PCDHGB4: variants seen among roughly 807,000 people sequenced by gnomAD.
PCDHGB4 encodes the protein protocadherin gamma subfamily B, 4, also known as protocadherin gamma-B4.
In PCDHGB4, 38 loss-of-function variants were observed where a neutral mutation model predicts 60.5. That is an observed-to-expected ratio of 0.63 (90% CI 0.48 to 0.82). The LOEUF (loss-of-function observed/expected upper bound fraction) is 0.82. Ranked by LOEUF, PCDHGB4 falls within the 40% of genes least tolerant of loss-of-function variation. The pLI is 0.00. For missense variants in PCDHGB4, 1,109 were observed against 1,209.6 expected (o/e 0.92, Z 1.23); for synonymous variants, 456 against 509.7 (o/e 0.89, Z 1.42).
chr5:141,399,370 A>C (rs1466560972), intron 1 of PCDHGB4: 2 of 1,614,004 alleles, frequency 1.2e-6, no homozygotes, highest in Non-Finnish European at 1.7e-6. Context: ...CCCGGAGTAC[A>C]ATGTCACCAT....
intron 1 of PCDHGB4, chr5:141,409,152 T>C: frequency 6.2e-7 from 1 of 1,613,988 alleles, no homozygotes; most frequent in Non-Finnish European, 8.5e-7. Context: ...AGGTACACCA[T>C]GGAAGTGGAA....
chr5:141,401,356 G>A (rs1274587222), intron 1 of PCDHGB4, among the ~76,000 whole-genome samples: 1 of 152,070 alleles, frequency 6.6e-6, no homozygotes, highest in Non-Finnish European at 1.5e-5. Flanking sequence ...AAAAAGGAAG[G>A]AGAAGGAGAG....
At position 141,489,062 on chromosome 5, in the gene PCDHGB4, C is replaced by G. The variant is rs1466124551; in HGVS notation, c.2398-5745C>G. Reference sequence around the variant, plus strand: ...GCTCCACTCAAATTCAGCTCCCCTCCCCCCTGCCCACCCCCGCCACTCGGT... The same window carrying G: ...GCTCCACTCAAATTCAGCTCCCCTCGCCCCTGCCCACCCCCGCCACTCGGT... On this transcript the variant is annotated intron_variant, in intron 1 of 3. Transcript: ENST00000519479. This position sits in a 1 kb window ranked among gnomAD's most constrained non-coding sequence, Gnocchi z 4.5. 5.3e-6 allele frequency: 2 copies of G among 378,914 alleles called. No homozygotes were observed. Among genetic ancestry groups the G allele is most frequent in the Non-Finnish European group, 9.5e-6 (2 of 209,830 alleles). 23.5% of individuals were successfully genotyped at this position (378,914 alleles called of 1,614,324 possible).
intron 1 of PCDHGB4, chr5:141,423,206 C>A: frequency 6.2e-7 from 1 of 1,613,668 alleles, no homozygotes. Context: ...GCCACCGTCA[C>A]GCTCACCGTG....
In PCDHGB4 at chr5:141,486,341, C is replaced by T; in HGVS notation, c.2398-8466C>T. On this transcript the variant is annotated intron_variant, in intron 1 of 3. Coordinates refer to ENST00000519479, the MANE Select transcript of PCDHGB4 (RefSeq NM_003736.4). The surrounding 1 kb of genome is among the most constrained non-coding windows in gnomAD (Gnocchi z 5.0). ...AAACGGAGATGTGAGCCTCCGCATTCCTGACCACTTGCCATTTGCCCTCAA... is the reference window on the plus strand; with the variant it reads ...AAACGGAGATGTGAGCCTCCGCATTTCTGACCACTTGCCATTTGCCCTCAA... The T allele has an allele frequency of 6.2e-7, 1 of 1,614,128 alleles. No individual in the cohort carries two copies. Among genetic ancestry groups the T allele is most frequent in the Non-Finnish European group, 8.5e-7 (1 of 1,179,992 alleles).
At chr5:141,473,131 A>G (rs1262205483) in intron 1 of PCDHGB4, among the ~76,000 whole-genome samples, 2 of 152,214 alleles carry the variant, frequency 1.3e-5, no homozygotes, top group Admixed American at 6.5e-5. Context: ...TTGGCAAACT[A>G]TATTATCTCT....
chr5:141,399,309 C>CA (rs1033550021), intron 1 of PCDHGB4: 6 of 1,613,784 alleles, frequency 3.7e-6, no homozygotes, highest in African/African-American at 1.3e-5. Context: ...TCTCTTCATC[C>CA]AAAAATTCGT....
chr5:141,439,354 C>G (rs746525653), intron 1 of PCDHGB4, among the ~76,000 whole-genome samples: 7 of 152,186 alleles, frequency 4.6e-5, no homozygotes, highest in Admixed American at 4.6e-4. Context: ...TACAAATACT[C>G]AAACATCAAG....
At chr5:141,460,580 G>A (rs1037056676) in intron 1 of PCDHGB4, among the ~76,000 whole-genome samples, 7 of 152,160 alleles carry the variant, frequency 4.6e-5, no homozygotes, top group African/African-American at 1.4e-4. Flanking sequence ...ATGTAGGTGT[G>A]GGTTTTTTCT....
At chr5:141,420,432 T>C in intron 1 of PCDHGB4, 2 of 1,149,120 alleles carry the variant, frequency 1.7e-6, no homozygotes, top group Non-Finnish European at 2.3e-6. Flanking sequence ...AAAGTTTAAA[T>C]TAAATGCCTC....
Position 141,389,602 on chromosome 5 carries a change from T to G in PCDHGB4, c.1718T>G (p.Phe573Cys). The G allele has an allele frequency of 1.2e-6, 2 of 1,613,170 alleles. No homozygotes were observed. Among genetic ancestry groups the G allele is most frequent in the African/African-American group, 2.7e-5 (2 of 75,050 alleles). The change falls in exon 1 of 4, where the codon TTC becomes TGC. Residue 573 changes from phenylalanine to cysteine, a missense_variant. Physicochemically the swap from Phe to Cys is radical, Grantham distance 205. This residue lies in a region of PCDHGB4 where 1,068 missense variants were observed against 1,089.9 expected (regional missense o/e 0.98). Coordinates refer to ENST00000519479, the MANE Select transcript of PCDHGB4 (RefSeq NM_003736.4). ...PALGPDGSALFDMVPHAAEPG... is the reference protein window; with the variant it reads ...PALGPDGSALCDMVPHAAEPG... ...CTGGGTCCCGACGGCTCTGCGCTCT[T>G]CGATATGGTGCCGCACGCTGCAGAG... is the stretch of plus-strand genomic sequence containing the variant.
chr5:141,435,737 T>C (rs944951200), intron 1 of PCDHGB4, among the ~76,000 whole-genome samples: 1 of 152,202 alleles, frequency 6.6e-6, no homozygotes, highest in Non-Finnish European at 1.5e-5. Context: ...TATTACTCTT[T>C]GAAAAGCATT....
Position 141,485,606 on chromosome 5 carries a change from G to T in PCDHGB4, c.2398-9201G>T, listed in dbSNP as rs2099616630. On this transcript the variant is annotated intron_variant, in intron 1 of 3. Transcript: ENST00000519479. The surrounding 1 kb of genome is among the most constrained non-coding windows in gnomAD (Gnocchi z 5.7). ...GCAGCTGGACTTGGAAATTGGGGAG[G>T]CAGCTCCTCCAGGACAGCGTTTCCC... is the stretch of plus-strand genomic sequence containing the variant. 1.2e-6 allele frequency: 2 copies of T among 1,612,362 alleles called. No homozygotes were observed. The highest frequency in any genetic ancestry group is 4.5e-5 in the East Asian group (2 of 44,840).
intron 1 of PCDHGB4, among the ~76,000 whole-genome samples, chr5:141,473,946 G>A (rs1399816546): frequency 6.6e-6 from 1 of 152,170 alleles, no homozygotes; most frequent in African/African-American, 2.4e-5. Context: ...GCTCAGGCCT[G>A]TAGTCCCATC....
Position 141,491,188 on chromosome 5 carries a change from G to A in PCDHGB4, c.2398-3619G>A. On this transcript the variant is annotated intron_variant, in intron 1 of 3. Transcript: ENST00000519479. This position sits in a 1 kb window ranked among gnomAD's most constrained non-coding sequence, Gnocchi z 6.9. Reference sequence around the variant, plus strand: ...CCAGCAGGTGGTGGTCCTGGTGAGGGACAATGGTGACCCTTCACTCTCCTC... The same window carrying A: ...CCAGCAGGTGGTGGTCCTGGTGAGGAACAATGGTGACCCTTCACTCTCCTC... The A allele has an allele frequency of 6.2e-7, 1 of 1,614,198 alleles. No individual in the cohort carries two copies. The highest frequency in any genetic ancestry group is 1.1e-5 in the South Asian group (1 of 91,086).
Position 141,432,809 on chromosome 5 carries a change from T to A in PCDHGB4, c.2397+42528T>A. ...CGGCAGCCTCGAGTCTCCAGCTAAC[T>A]CTGAAACCTCAGACCTCACTCTGTA... is the stretch of plus-strand genomic sequence containing the variant. On this transcript the variant is annotated intron_variant, in intron 1 of 3. Coordinates refer to ENST00000519479, the MANE Select transcript of PCDHGB4 (RefSeq NM_003736.4). This position sits in a 1 kb window ranked among gnomAD's most constrained non-coding sequence, Gnocchi z 6.0. The A allele has an allele frequency of 6.2e-7, 1 of 1,613,398 alleles. No homozygotes were observed. Among genetic ancestry groups the A allele is most frequent in the Non-Finnish European group, 8.5e-7 (1 of 1,179,980 alleles).
chr5:141,420,905 T>TA (rs545324172), intron 1 of PCDHGB4: 3 of 299,970 alleles, frequency 1.0e-5, no homozygotes, highest in Non-Finnish European at 1.9e-5. Flanking sequence ...GCTCTACAAA[T>TA]ACGTGTGATT....
At chr5:141,460,502 G>A (rs1300155108) in intron 1 of PCDHGB4, among the ~76,000 whole-genome samples, 1 of 152,094 alleles carries the variant, frequency 6.6e-6, no homozygotes, top group Non-Finnish European at 1.5e-5. Flanking sequence ...AAAATATGCT[G>A]AGAAGGCTAT....
chr5:141,403,354 G>A, intron 1 of PCDHGB4: 7 of 1,614,048 alleles, frequency 4.3e-6, no homozygotes, highest in Non-Finnish European at 5.9e-6. Flanking sequence ...CAAAGTTCCA[G>A]GCCGAAAGTC....
Sources: allele counts gnomAD v4.1 joint callset (sites outside exome capture counted in the v4.1 genomes callset), GRCh38; gene constraint gnomAD v4.1.1; regional missense constraint gnomAD v4.1.1; non-coding constraint Gnocchi (gnomAD v3.1); transcripts MANE v1.5; gene names NCBI Gene and HGNC (gene_info 2026-07-23, HGNC 2026-07-21).